The following TBC1D9 variants were observed in gnomAD, a reference collection of about 807,000 sequenced individuals.
TBC1D9 encodes TBC1 domain family member 9.
In TBC1D9, 63 loss-of-function variants were observed where a neutral mutation model predicts 132.0. That is an observed-to-expected ratio of 0.48 (90% CI 0.39 to 0.59). The LOEUF is 0.59. Among genes scored for constraint, TBC1D9 ranks in the 20% least tolerant of loss-of-function variants. The probability of loss-of-function intolerance (pLI) is 0.00; values close to 1 mark genes in which losing one functional copy is unlikely to be tolerated. For missense variants in TBC1D9, 1,261 were observed against 1,592.7 expected (o/e 0.79, Z 3.54); for synonymous variants, 610 against 609.9 (o/e 1.00, Z 0.00).
In TBC1D9 at chr4:140,687,343, C is replaced by CATATATATATATAT. The variant is rs200090051; in HGVS notation, c.242-895_242-882dup. ...TATATGTGTGTGTGTGTGTGTGTGT[C>CATATATATATATAT]ATATATATATATATATATATATATA... On this transcript the variant is annotated intron_variant, in intron 2 of 20. Transcript: ENST00000442267. Among the ~76,000 whole-genome samples, 23 of 37,876 alleles carry CATATATATATATAT rather than the reference C, an allele frequency of 6.1e-4. 1 individual carries two copies. Among genetic ancestry groups the CATATATATATATAT allele is most frequent in the South Asian group, 1.2e-3 (1 of 856 alleles). The allele number at this position is 37,876 out of a possible 152,430, so 24.8% of individuals were successfully genotyped here. A position where few individuals can be genotyped will look rare whatever the true frequency, so the allele number is the denominator to read the frequency against.
chr4:140,754,748 C>G (rs756638927), intron 1 of TBC1D9, among the ~76,000 whole-genome samples: 2 of 150,098 alleles, frequency 1.3e-5, no homozygotes, highest in African/African-American at 2.5e-5. Flanking sequence ...TATCAGATCA[C>G]TAGTAAGTAT....
intron 1 of TBC1D9, among the ~76,000 whole-genome samples, chr4:140,708,030 G>A (rs1738174639): frequency 6.6e-6 from 1 of 151,820 alleles, no homozygotes; most frequent in Non-Finnish European, 1.5e-5. Flanking sequence ...TTAAGGACAA[G>A]CACTGCCTTA....
At chr4:140,643,294 T>C (rs1018104142) in intron 13 of TBC1D9, 1 of 1,321,826 alleles carries the variant, frequency 7.6e-7, no homozygotes, top group Admixed American at 2.0e-5. Flanking sequence ...TGCAGAAAGC[T>C]CTGCTCCAAG....
At chr4:140,654,474 TG>T (rs60769293) in intron 13 of TBC1D9, among the ~76,000 whole-genome samples, 28,497 of 120,548 alleles carry the variant, frequency 0.24, 3,148 homozygotes, top group South Asian at 0.35. Context: ...AAGAAAGGGG[TG>T]GGGGGGGGTA....
intron 13 of TBC1D9, among the ~76,000 whole-genome samples, chr4:140,641,453 T>C (rs1200861330): frequency 1.3e-5 from 2 of 152,234 alleles, no homozygotes; most frequent in Non-Finnish European, 1.5e-5. Context: ...TCAGTATGTT[T>C]AATAAAGTTT....
intron 2 of TBC1D9, among the ~76,000 whole-genome samples, chr4:140,687,831 A>T (rs1737812153): frequency 6.6e-6 from 1 of 152,140 alleles, no homozygotes. Context: ...CACGACTGTA[A>T]TCCTGGCACT....
intron 3 of TBC1D9, among the ~76,000 whole-genome samples, chr4:140,684,011 T>C (rs1737744175): frequency 6.6e-6 from 1 of 152,144 alleles, no homozygotes; most frequent in Non-Finnish European, 1.5e-5. Context: ...GAATAATAAC[T>C]AAAAATTATA....
chr4:140,755,947 G>T lies in TBC1D9; in HGVS notation c.99C>A (p.Ala33=), dbSNP rs1370776240. 6.3e-7 allele frequency: 1 copy of T among 1,592,928 alleles called. No individual in the cohort carries two copies. The highest frequency in any genetic ancestry group is 8.5e-7 in the Non-Finnish European group (1 of 1,171,210). ...GTCCGCCGCCGCCGCCTCCATCGCCGGCGTGGCCCTTCCTCCGCTGCAGGA... is the reference window on the plus strand; with the variant it reads ...GTCCGCCGCCGCCGCCTCCATCGCCTGCGTGGCCCTTCCTCCGCTGCAGGA... The part of the protein sequence containing the change: ...YFILQRRKGH[A]GDGGGGGGLA... Residue 33 remains alanine (A), a synonymous_variant, in exon 1 of 21, where the codon GCC becomes GCA. Transcript: ENST00000442267.
intron 2 of TBC1D9, 46 bp from the exon 3 acceptor site, chr4:140,686,508 A>G: frequency 7.8e-7 from 1 of 1,277,920 alleles, no homozygotes; most frequent in East Asian, 2.3e-5. Flanking sequence ...CATGCCAAAG[A>G]TATTTTAAAA....
rs139708010 is a variant in TBC1D9 at position 140,668,508 on chromosome 4, C to T, written c.1588+409G>A. ...TTTATTCCTCTTATTTCTTTCCTCC[C>T]AATTCCCCACCCGATGACTGCTCTG... On this transcript the variant is annotated intron_variant, in intron 9 of 20. Transcript: ENST00000442267. Among the ~76,000 whole-genome samples, 97 of 152,258 alleles carry T rather than the reference C, an allele frequency of 6.4e-4. 1 individual carries two copies. The highest frequency in any genetic ancestry group is 2.1e-3 in the African/African-American group (87 of 41,544).
chr4:140,657,345 G>T, intron 12 of TBC1D9, 119 bp from the exon 13 acceptor site: 1 of 1,383,126 alleles, frequency 7.2e-7, no homozygotes, highest in Non-Finnish European at 9.8e-7. Flanking sequence ...TTTCTTTAAA[G>T]ATGGAAAGAG....
Position 140,657,114 on chromosome 4 carries a change from T to G in TBC1D9, c.2320A>C (p.Ile774Leu), listed in dbSNP as rs369268794. ...AGACCTACCTCGTAGGAAGTTCTGA[T>G]GAGTCTAAAGATGTCTACCTCAGGG... ...PYPEVDIFRL[I>L]RTSYEKFGTI... Residue 774 changes from isoleucine (I) to leucine (L), a missense_variant, in exon 13 of 21, where the codon ATC (isoleucine) becomes CTC (leucine). Physicochemically the swap from Ile to Leu is conservative, Grantham distance 5. Transcript: ENST00000442267. The G allele has an allele frequency of 3.7e-5, 59 of 1,613,818 alleles. No individual in the cohort carries two copies. In the African/African-American group the frequency reaches 7.6e-4, roughly 21 times the overall value.
At chr4:140,739,795 G>A (rs1477984466) in intron 1 of TBC1D9, among the ~76,000 whole-genome samples, 3 of 152,068 alleles carry the variant, frequency 2.0e-5, no homozygotes, top group African/African-American at 4.8e-5. Context: ...TTGGGGCCAG[G>A]AGTTCAAGAC....
Position 140,659,624 on chromosome 4 carries a change from G to A in TBC1D9, c.1885C>T (p.Arg629Cys), listed in dbSNP as rs975972028. Residue 629 changes from arginine (R) to cysteine (C), a missense_variant, in exon 11 of 21, where the codon CGC (arginine) becomes TGC (cysteine). By Grantham distance (180) the Arg-to-Cys change is radical. Transcript: ENST00000442267. ...AFWLLVALCE[R>C]MLPDYYNTRV... The stretch of plus-strand genomic sequence containing the variant: ...GTGTTGTAGTAATCTGGGAGCATGC[G>A]CTCACACAAAGCCACAAGCAGCCAG... 4.4e-6 allele frequency: 7 copies of A among 1,604,640 alleles called. No individual in the cohort carries two copies. The highest frequency in any genetic ancestry group is 1.7e-5 in the Admixed American group (1 of 58,748).
chr4:140,687,648 A>C (rs1305140650), intron 2 of TBC1D9, among the ~76,000 whole-genome samples: 1 of 151,994 alleles, frequency 6.6e-6, no homozygotes, highest in Non-Finnish European at 1.5e-5. Flanking sequence ...CGCTGAGAGA[A>C]TGAGAGAAAG....
intron 2 of TBC1D9, among the ~76,000 whole-genome samples, chr4:140,700,468 A>T (rs1352555367): frequency 6.6e-6 from 1 of 151,910 alleles, no homozygotes; most frequent in African/African-American, 2.4e-5. Flanking sequence ...AACAAAAAAA[A>T]ACTTGCCCAG....
intron 1 of TBC1D9, among the ~76,000 whole-genome samples, chr4:140,702,533 G>A (rs1271606257): frequency 6.6e-6 from 1 of 152,158 alleles, no homozygotes; most frequent in African/African-American, 2.4e-5. Context: ...TGCGGAGAAC[G>A]CACAACCCTG....
At chr4:140,661,725 G>A (rs1231993956) in intron 10 of TBC1D9, among the ~76,000 whole-genome samples, 168 bp downstream of exon 10, 1 of 152,172 alleles carries the variant, frequency 6.6e-6, no homozygotes, top group Non-Finnish European at 1.5e-5. Flanking sequence ...GCATAGAACA[G>A]CCCATACAAC....
At chr4:140,634,727 A>G (rs1736850250) in intron 15 of TBC1D9, among the ~76,000 whole-genome samples, 1 of 152,220 alleles carries the variant, frequency 6.6e-6, no homozygotes, top group Admixed American at 6.5e-5. Context: ...TGTATCATAC[A>G]TAACCCCCTG....
Sources: gnomAD v4.1 joint callset for allele counts (sites outside exome capture counted in the v4.1 genomes callset) on GRCh38, gnomAD v4.1.1 for gene constraint, MANE v1.5 for transcripts, NCBI Gene and HGNC (gene_info 2026-07-23, HGNC 2026-07-21) for gene names.